The following B4GALT5 variants were observed in gnomAD, a reference collection of about 807,000 sequenced individuals.
The protein encoded by B4GALT5 is beta-1,4-galactosyltransferase 5.
In B4GALT5, 11 loss-of-function variants were observed where a neutral mutation model predicts 45.0. The ratio of observed to expected loss-of-function variants is 0.24; its 90% confidence interval spans 0.15 to 0.40. B4GALT5 has a LOEUF of 0.40. B4GALT5 is among the 10% of genes least tolerant of loss of function. The pLI is 1.00. For synonymous variants in B4GALT5, 185 were observed against 182.9 expected (o/e 1.01, Z -0.09); for missense variants, 337 against 500.2 (o/e 0.67, Z 3.11).
chr20:49,695,525 C>T (rs1193520710), intron 1 of B4GALT5, among the ~76,000 whole-genome samples: 2 of 152,104 alleles, frequency 1.3e-5, no homozygotes, highest in Non-Finnish European at 2.9e-5. Context: ...GATTCTCCTG[C>T]CTCAGCCTCC....
chr20:49,693,165 T>C (rs2085823704), intron 1 of B4GALT5, among the ~76,000 whole-genome samples: 1 of 152,224 alleles, frequency 6.6e-6, no homozygotes, highest in Non-Finnish European at 1.5e-5. Context: ...ACAACGCATT[T>C]CTCAGGATGT....
chr20:49,694,285 TATTTTTC>T (rs1421296158), intron 1 of B4GALT5, among the ~76,000 whole-genome samples: 1 of 152,130 alleles, frequency 6.6e-6, no homozygotes, highest in African/African-American at 2.4e-5. Flanking sequence ...TTTGCGCATC[TATTTTTC>T]TTTTCCCAAC....
intron 1 of B4GALT5, among the ~76,000 whole-genome samples, chr20:49,701,193 C>T (rs1016514328): frequency 3.3e-5 from 5 of 152,186 alleles, no homozygotes; most frequent in Admixed American, 3.3e-4. Flanking sequence ...ATAGCAAAAT[C>T]AGGCAAATGC....
chr20:49,701,322 T>C (rs1222508301), intron 1 of B4GALT5, among the ~76,000 whole-genome samples: 1 of 152,154 alleles, frequency 6.6e-6, no homozygotes, highest in African/African-American at 2.4e-5. Context: ...TAAATACATT[T>C]GCAGTTCAGC....
intron 1 of B4GALT5, among the ~76,000 whole-genome samples, chr20:49,704,783 G>T (rs544350680): frequency 1.3e-5 from 2 of 151,330 alleles, no homozygotes; most frequent in African/African-American, 2.4e-5. Context: ...TACTCTTTCC[G>T]GTACCCAATA....
intron 1 of B4GALT5, among the ~76,000 whole-genome samples, chr20:49,671,533 G>A (rs1413076566): frequency 6.6e-6 from 1 of 152,134 alleles, no homozygotes; most frequent in East Asian, 1.9e-4. Flanking sequence ...AGACACAAAG[G>A]AAAATATAAG....
intron 7 of B4GALT5, among the ~76,000 whole-genome samples, chr20:49,638,185 A>T (rs1033486309): frequency 4.6e-5 from 7 of 151,706 alleles, no homozygotes; most frequent in African/African-American, 1.5e-4. Context: ...CAACAGGCTA[A>T]TTTTTTTTAT....
intron 1 of B4GALT5, among the ~76,000 whole-genome samples, chr20:49,712,848 G>GA (rs71186473): frequency 1.7e-5 from 2 of 119,166 alleles, no homozygotes; most frequent in Non-Finnish European, 3.6e-5. Context: ...GGGGGGGGGG[G>GA]AGATGGGGAA....
chr20:49,676,045 C>A (rs969686243), intron 1 of B4GALT5, among the ~76,000 whole-genome samples: 1 of 151,498 alleles, frequency 6.6e-6, no homozygotes, highest in African/African-American at 2.4e-5. Flanking sequence ...CAACCCAACC[C>A]CCCCAGACAA....
In B4GALT5 at chr20:49,697,363, T is replaced by TTC. The variant is rs200105182; in HGVS notation, c.115+16211_115+16212dup. Among the ~76,000 whole-genome samples the TTC allele has an allele frequency of 6.6e-5, 10 of 152,348 alleles. No homozygotes were observed. In the East Asian group the frequency reaches 1.9e-3, roughly 29 times the overall value. ...TTCGCAGAGACGCTTGCTCTTGGACTTCTGGCTGTACATTCTGAGGGTTCA... is the reference window on the plus strand; with the variant it reads ...TTCGCAGAGACGCTTGCTCTTGGACTTCTCTGGCTGTACATTCTGAGGGTTCA... On this transcript the variant is annotated intron_variant, in intron 1 of 8. Transcript: ENST00000371711.
intron 1 of B4GALT5, among the ~76,000 whole-genome samples, chr20:49,662,123 C>A (rs1015301771): frequency 2.6e-5 from 4 of 152,150 alleles, no homozygotes; most frequent in African/African-American, 7.2e-5. Flanking sequence ...AAACCTCCTC[C>A]TTTCTCACTG....
rs867780230 is a variant in B4GALT5, at chr20:49,694,750, C to A, written c.115+18826G>T. ...ACTGATAACACCTGGGAACAATATG[C>A]GCATAACCTGAACTCTGCCTTTGCA... On this transcript the variant is annotated intron_variant, in intron 1 of 8. Coordinates refer to ENST00000371711, the MANE Select transcript of B4GALT5 (RefSeq NM_004776.4). 1.4e-4 allele frequency among the ~76,000 whole-genome samples: 22 copies of A among 152,150 alleles called. 1 individual carries two copies. In the East Asian group the frequency reaches 4.2e-3, roughly 29 times the overall value.
In B4GALT5 at chr20:49,681,953, C is replaced by T. The variant is rs7362205; in HGVS notation, c.116-25251G>A. 1.4e-3 allele frequency among the ~76,000 whole-genome samples: 207 copies of T among 152,176 alleles called. 1 individual carries two copies. Among genetic ancestry groups the T allele is most frequent in the Admixed American group, 1.0e-3 (16 of 15,284 alleles). ...TCTACAAAAAATACAAAAATTAGTC[C>T]GGCATGGTGGCTTGCGCCTGTAGTC... On this transcript the variant is annotated intron_variant, in intron 1 of 8. Transcript: ENST00000371711.
At chr20:49,694,859 C>CA (rs3971668) in intron 1 of B4GALT5, among the ~76,000 whole-genome samples, 1 of 150,044 alleles carries the variant, frequency 6.7e-6, no homozygotes, top group Non-Finnish European at 1.5e-5. Flanking sequence ...CACACACACA[C>CA]CCCTGAAGCA....
intron 2 of B4GALT5, among the ~76,000 whole-genome samples, chr20:49,654,044 T>TA (rs1439586671): frequency 6.6e-6 from 1 of 152,186 alleles, no homozygotes; most frequent in African/African-American, 2.4e-5. Flanking sequence ...GAGAGACAGA[T>TA]ATTCCAGCCT....
At chr20:49,685,553 C>G (rs1217293434) in intron 1 of B4GALT5, among the ~76,000 whole-genome samples, 3 of 152,164 alleles carry the variant, frequency 2.0e-5, no homozygotes, top group East Asian at 3.9e-4. Flanking sequence ...GGATCCAAGC[C>G]TGGATCCCAG....
intron 1 of B4GALT5, among the ~76,000 whole-genome samples, chr20:49,690,042 C>T (rs1161767061): frequency 2.0e-5 from 3 of 152,176 alleles, no homozygotes; most frequent in Admixed American, 1.3e-4. Context: ...CTCCCTCTGT[C>T]ACCCAGGCTG....
chr20:49,647,373 C>A (rs2085603543), intron 2 of B4GALT5, among the ~76,000 whole-genome samples: 1 of 152,214 alleles, frequency 6.6e-6, no homozygotes, highest in Non-Finnish European at 1.5e-5. Context: ...TTGCCCTCCT[C>A]TCATTTCTGT....
intron 1 of B4GALT5, among the ~76,000 whole-genome samples, chr20:49,682,266 T>C (rs980323884): frequency 5.3e-5 from 8 of 152,212 alleles, no homozygotes; most frequent in African/African-American, 1.9e-4. Flanking sequence ...CCTGTGCCCC[T>C]CTGTGCACTG....
Sources: allele counts gnomAD v4.1 joint callset (sites outside exome capture counted in the v4.1 genomes callset), GRCh38; gene constraint gnomAD v4.1.1; transcripts MANE v1.5; gene names NCBI Gene and HGNC (gene_info 2026-07-23, HGNC 2026-07-21).